The following GALNT18 variants were observed in gnomAD, a reference collection of about 807,000 sequenced individuals.
The protein encoded by GALNT18 is GalNAc-transferase 18.
A neutral mutation model predicts 69.5 loss-of-function variants in GALNT18; 44 were observed. That is an observed-to-expected ratio of 0.63 (90% CI 0.50 to 0.81). The LOEUF (loss-of-function observed/expected upper bound fraction) is 0.81. GALNT18 is among the 40% of genes least tolerant of loss of function. The pLI is 0.00. For synonymous variants in GALNT18, 364 were observed against 318.2 expected (o/e 1.14, Z -1.53); for missense variants, 715 against 810.0 (o/e 0.88, Z 1.42).
At chr11:11,551,049 C>A (rs1185477686) in intron 1 of GALNT18, among the ~76,000 whole-genome samples, 1 of 138,250 alleles carries the variant, frequency 7.2e-6, no homozygotes. Context: ...GTGGGTGATC[C>A]AACTTTGGAT....
At chr11:11,485,196 T>G (rs1329863963) in intron 1 of GALNT18, among the ~76,000 whole-genome samples, 1 of 152,234 alleles carries the variant, frequency 6.6e-6, no homozygotes, top group Non-Finnish European at 1.5e-5. Context: ...AGACACCACC[T>G]GCGTGTTCTC....
chr11:11,355,266 T>C (rs1230373287), intron 6 of GALNT18, among the ~76,000 whole-genome samples: 1 of 152,170 alleles, frequency 6.6e-6, no homozygotes, highest in African/African-American at 2.4e-5. Context: ...ATATAAAAAA[T>C]CCCTGACTTT....
At position 11,382,657 on chromosome 11, in the gene GALNT18, T is replaced by C. The variant is rs1564921117; in HGVS notation, c.596-3393A>G. Among the ~76,000 whole-genome samples, 5 of 152,342 alleles carry C rather than the reference T, an allele frequency of 3.3e-5. No individual in the cohort carries two copies. The South Asian group carries it at 6.2e-4, about 19-fold the overall frequency. On this transcript the variant is annotated intron_variant, in intron 3 of 10. Transcript: ENST00000227756. The surrounding 1 kb of genome is among the most constrained non-coding windows in gnomAD (Gnocchi z 4.3). ...ATATAATGACTAATCACAAAGATTT[T>C]ATCAGGATTTTTGCTGCCCTATCTT...
chr11:11,330,309 G>A (rs1045849729), intron 8 of GALNT18, among the ~76,000 whole-genome samples: 3 of 152,174 alleles, frequency 2.0e-5, no homozygotes, highest in Non-Finnish European at 4.4e-5. Context: ...AAAGACATCT[G>A]GTCTCTTCAT....
At chr11:11,335,651 G>A (rs138043470) in intron 7 of GALNT18, among the ~76,000 whole-genome samples, 1,634 of 152,238 alleles carry the variant, frequency 0.011, 14 homozygotes, top group Non-Finnish European at 0.017. Context: ...ATCATCCTGC[G>A]TTTGGGGCTT....
intron 6 of GALNT18, among the ~76,000 whole-genome samples, chr11:11,363,557 A>T (rs1850689639): frequency 6.6e-6 from 1 of 152,226 alleles, no homozygotes; most frequent in African/African-American, 2.4e-5. Flanking sequence ...AAGAACCAGA[A>T]ATTTTGTCAT....
At position 11,351,843 on chromosome 11, in the gene GALNT18, G is replaced by C. The variant is rs576517856; in HGVS notation, c.1093-10839C>G. ...CCACAAGCAACGGTTCAGACACGTT[G>C]CTTCTGAAGTGTTTCACCCCTCCCC... On this transcript the variant is annotated intron_variant, in intron 6 of 10. Coordinates refer to ENST00000227756, the MANE Select transcript of GALNT18 (RefSeq NM_198516.3). 784 of 894,216 alleles carry C rather than the reference G, an allele frequency of 8.8e-4. 3 individuals carry two copies. The African/African-American group carries it at 0.012, about 13-fold the overall frequency. The allele number at this position is 894,216 out of a possible 1,614,324, so 55.4% of individuals were successfully genotyped here. A position where few individuals can be genotyped will look rare whatever the true frequency, so the allele number is the denominator to read the frequency against.
intron 3 of GALNT18, among the ~76,000 whole-genome samples, chr11:11,393,116 C>A (rs1210060234): frequency 6.6e-6 from 1 of 152,202 alleles, no homozygotes; most frequent in East Asian, 1.9e-4. Flanking sequence ...GGCTGACCCT[C>A]AGTTTGGGGA....
chr11:11,351,277 C>T (rs1850396521), intron 6 of GALNT18, among the ~76,000 whole-genome samples: 1 of 152,132 alleles, frequency 6.6e-6, no homozygotes, highest in South Asian at 2.1e-4. Context: ...AAACTCAGAA[C>T]CAGAGCAGAG....
At chr11:11,384,376 C>T (rs1853999608) in intron 3 of GALNT18, among the ~76,000 whole-genome samples, 1 of 152,094 alleles carries the variant, frequency 6.6e-6, no homozygotes, top group Non-Finnish European at 1.5e-5. Context: ...GAACAAGACG[C>T]TAGCATTTGG....
intron 6 of GALNT18, among the ~76,000 whole-genome samples, chr11:11,361,755 C>T (rs1020857756): frequency 6.6e-6 from 1 of 152,138 alleles, no homozygotes; most frequent in Non-Finnish European, 1.5e-5. Flanking sequence ...ATACTAGGCT[C>T]CAAGCACATT....
intron 9 of GALNT18, among the ~76,000 whole-genome samples, chr11:11,324,717 T>C (rs1179583711): frequency 6.6e-6 from 1 of 152,212 alleles, no homozygotes. Context: ...TTGAGAATTG[T>C]CTATTCATGT....
At chr11:11,394,572 T>C (rs576707549) in intron 3 of GALNT18, among the ~76,000 whole-genome samples, 27 of 152,230 alleles carry the variant, frequency 1.8e-4, no homozygotes, top group Non-Finnish European at 3.2e-4. Context: ...CAGAAGGAAC[T>C]GGCCCACTCT....
chr11:11,578,078 G>T (rs1390467625), intron 1 of GALNT18, among the ~76,000 whole-genome samples: 1 of 152,118 alleles, frequency 6.6e-6, no homozygotes, highest in Non-Finnish European at 1.5e-5. Flanking sequence ...GCATTGACCT[G>T]GGGCAAAACA....
intron 1 of GALNT18, among the ~76,000 whole-genome samples, chr11:11,522,289 A>G (rs1397702706): frequency 6.6e-6 from 1 of 152,176 alleles, no homozygotes; most frequent in Non-Finnish European, 1.5e-5. Flanking sequence ...CGGCTGCCCA[A>G]ACTGGAAGCT....
Position 11,542,469 on chromosome 11 carries a change from C to CAATG in GALNT18, c.235+78886_235+78889dup, listed in dbSNP as rs1426530030. Among the ~76,000 whole-genome samples, 1 of 152,230 alleles carries CAATG rather than the reference C, an allele frequency of 6.6e-6. No homozygotes were observed. Among genetic ancestry groups the CAATG allele is most frequent in the Non-Finnish European group, 1.5e-5 (1 of 68,040 alleles). ...CACAGTGCTGGCACATGCAATTCTT[C>CAATG]AATGAATGAATGAAGAAATCATCAC... On this transcript the variant is annotated intron_variant, in intron 1 of 10. Transcript: ENST00000227756. The surrounding 1 kb of genome is among the most constrained non-coding windows in gnomAD (Gnocchi z 4.3).
chr11:11,577,454 C>T (rs1343853816), intron 1 of GALNT18, among the ~76,000 whole-genome samples: 1 of 152,186 alleles, frequency 6.6e-6, no homozygotes, highest in Non-Finnish European at 1.5e-5. Context: ...TGAGTCACCA[C>T]TGTGTGCCAG....
At chr11:11,272,450 G>C (rs949791530) in intron 10 of GALNT18, among the ~76,000 whole-genome samples, 2 of 152,124 alleles carry the variant, frequency 1.3e-5, no homozygotes, top group Non-Finnish European at 2.9e-5. Context: ...TTGGCCTAAA[G>C]GACAAAGTCC....
chr11:11,422,280 C>A (rs938856928), intron 3 of GALNT18, among the ~76,000 whole-genome samples: 4 of 152,216 alleles, frequency 2.6e-5, no homozygotes, highest in Admixed American at 1.3e-4. Context: ...AACTCTCAGG[C>A]CTGGTATAGG....
Sources: allele counts gnomAD v4.1 joint callset (sites outside exome capture counted in the v4.1 genomes callset), GRCh38; gene constraint gnomAD v4.1.1; non-coding constraint Gnocchi (gnomAD v3.1); transcripts MANE v1.5; gene names NCBI Gene and HGNC (gene_info 2026-07-23, HGNC 2026-07-21).